Variants in AK9 observed in about 807,000 individuals in gnomAD.
AK9 encodes the protein adenylate kinase 9.
In AK9, 191 loss-of-function variants were observed where a neutral mutation model predicts 239.6. The ratio of observed to expected loss-of-function variants is 0.80; its 90% CI spans 0.71 to 0.90. The LOEUF (loss-of-function observed/expected upper bound fraction) is 0.90, where lower values mean the gene tolerates loss of function less well. AK9 is among the 40% of genes least tolerant of loss of function. AK9 has a pLI of 0.00. For synonymous variants in AK9, 689 were observed against 721.0 expected (o/e 0.96, Z 0.71); for missense variants, 1,995 against 2,214.7 (o/e 0.90, Z 1.99).
intron 32 of AK9, among the ~76,000 whole-genome samples, chr6:109,513,427 A>G (rs539379065): frequency 1.3e-5 from 2 of 152,290 alleles, no homozygotes; most frequent in Non-Finnish European, 2.9e-5. Flanking sequence ...AAATACAGGC[A>G]TTATCTCTTG....
chr6:109,541,227 A>C (rs1782837765), intron 27 of AK9, among the ~76,000 whole-genome samples: 1 of 152,214 alleles, frequency 6.6e-6, no homozygotes, highest in African/African-American at 2.4e-5. Context: ...AAAAATGGAA[A>C]AAATAGAGAA....
chr6:109,680,949 C>T (rs1380571131), intron 1 of AK9, among the ~76,000 whole-genome samples: 2 of 152,150 alleles, frequency 1.3e-5, no homozygotes, highest in South Asian at 4.1e-4. Context: ...CTGAAGGAGG[C>T]ACTAAACGTG....
intron 10 of AK9, among the ~76,000 whole-genome samples, chr6:109,635,461 A>G (rs907907482): frequency 6.6e-6 from 1 of 152,214 alleles, no homozygotes; most frequent in Non-Finnish European, 1.5e-5. Flanking sequence ...CTAGTGCCAG[A>G]GCCACTCCTA....
intron 12 of AK9, chr6:109,632,364 C>G: frequency 1.0e-6 from 1 of 959,510 alleles, no homozygotes; most frequent in Non-Finnish European, 1.2e-6. Context: ...ACATTCCAAT[C>G]CCTCATCAAA....
intron 7 of AK9, among the ~76,000 whole-genome samples, chr6:109,657,445 A>G (rs1370076634): frequency 6.6e-6 from 1 of 152,132 alleles, no homozygotes; most frequent in African/African-American, 2.4e-5. Context: ...TAGGAGAAGA[A>G]GCTGTTTACA....
At chr6:109,602,960 G>C (rs1321801223) in intron 17 of AK9, among the ~76,000 whole-genome samples, 1 of 152,134 alleles carries the variant, frequency 6.6e-6, no homozygotes, top group Non-Finnish European at 1.5e-5. Context: ...GGTTATTCTA[G>C]TTAGCCATTC....
chr6:109,584,483 T>C (rs771842639), intron 19 of AK9, among the ~76,000 whole-genome samples: 28 of 152,160 alleles, frequency 1.8e-4, no homozygotes, highest in Non-Finnish European at 4.0e-4. Context: ...GAGAATTTTT[T>C]AGTAAGGAAG....
chr6:109,608,777 A>T (rs1262186884), intron 17 of AK9, among the ~76,000 whole-genome samples: 2 of 152,204 alleles, frequency 1.3e-5, no homozygotes, highest in East Asian at 3.8e-4. Context: ...ATTTGTAAAG[A>T]TAATTGCAAA....
chr6:109,646,209 A>G (rs4454170), intron 8 of AK9, among the ~76,000 whole-genome samples: 95,280 of 152,076 alleles, frequency 0.63, 30,527 homozygotes, highest in South Asian at 0.84. Context: ...GCAGCCCCTC[A>G]CCAGCAATGG....
intron 17 of AK9, among the ~76,000 whole-genome samples, chr6:109,604,224 A>G (rs1352709561): frequency 6.6e-5 from 10 of 152,036 alleles, no homozygotes; most frequent in African/African-American, 2.4e-4. Flanking sequence ...CGCCGTGTAA[A>G]TTTTTTTATA....
At chr6:109,553,424 G>A (rs927407704) in intron 24 of AK9, among the ~76,000 whole-genome samples, 3 of 152,106 alleles carry the variant, frequency 2.0e-5, no homozygotes, top group Admixed American at 1.3e-4. Context: ...CATATCCCTT[G>A]TTAGCTGTAT....
chr6:109,564,432 A>T (rs949579921), intron 22 of AK9, among the ~76,000 whole-genome samples, 152 bp from the exon 23 acceptor site: 4 of 152,220 alleles, frequency 2.6e-5, no homozygotes, highest in African/African-American at 4.8e-5. Context: ...TTCATAATTT[A>T]ATTATGCTTT....
chr6:109,566,565 G>C (rs1786545332), intron 21 of AK9, among the ~76,000 whole-genome samples: 1 of 152,098 alleles, frequency 6.6e-6, no homozygotes, highest in Non-Finnish European at 1.5e-5. Context: ...AATACAGGAA[G>C]GGTAACTGAA....
Position 109,662,593 on chromosome 6 carries a change from A to C in AK9, c.402T>G (p.Ile134Met), listed in dbSNP as rs1800578404. The change falls in exon 6 of 41, where the codon ATT (isoleucine) becomes ATG (methionine). Residue 134 changes from isoleucine to methionine, a missense_variant. By Grantham distance (10) the Ile-to-Met change is conservative (BLOSUM62 1). Around this residue, in one of 5 missense-constraint regions of AK9, gnomAD observed 252 missense variants for 246.4 expected, o/e 1.02. Transcript: ENST00000424296. ...AMTTLQQIEL[I>M]KNLNLKPDVI... ...CATCAGGTTTCAGGTTTAAGTTTTTAATTAATTCTATTTGCTGTAAGGTAG... is the reference window on the plus strand; with the variant it reads ...CATCAGGTTTCAGGTTTAAGTTTTTCATTAATTCTATTTGCTGTAAGGTAG... 6.3e-7 allele frequency: 1 copy of C among 1,589,344 alleles called. No individual in the cohort carries two copies. Among genetic ancestry groups the C allele is most frequent in the African/African-American group, 1.4e-5 (1 of 73,858 alleles).
intron 28 of AK9, among the ~76,000 whole-genome samples, chr6:109,532,827 T>A (rs1469889542): frequency 1.3e-5 from 2 of 152,178 alleles, no homozygotes; most frequent in African/African-American, 2.4e-5. Context: ...CTCCTCAGAA[T>A]GTAGGTTTAG....
intron 1 of AK9, among the ~76,000 whole-genome samples, chr6:109,681,573 A>T (rs1260314681): frequency 6.6e-6 from 1 of 152,128 alleles, no homozygotes; most frequent in Non-Finnish European, 1.5e-5. Context: ...CAGGACTTGA[A>T]CTCAGCTCTG....
chr6:109,610,276 G>T, intron 17 of AK9, 89 bp downstream of exon 17: 1 of 1,420,104 alleles, frequency 7.0e-7, no homozygotes, highest in South Asian at 1.3e-5. Flanking sequence ...AACATCATAA[G>T]ACTCTAAAAT....
At chr6:109,557,918 G>A (rs561601665) in intron 24 of AK9, among the ~76,000 whole-genome samples, 2 of 152,304 alleles carry the variant, frequency 1.3e-5, no homozygotes, top group East Asian at 3.9e-4. Flanking sequence ...GTCAGTCTTT[G>A]ATTTTAGGCA....
chr6:109,608,316 T>A (rs534686927), intron 17 of AK9, among the ~76,000 whole-genome samples: 1 of 145,002 alleles, frequency 6.9e-6, no homozygotes, highest in East Asian at 2.1e-4. Flanking sequence ...CGTTAAGACA[T>A]GTGGCTCTGG....
Sources: gnomAD v4.1 joint callset for allele counts (sites outside exome capture counted in the v4.1 genomes callset) on GRCh38, gnomAD v4.1.1 for gene constraint, gnomAD v4.1.1 regional missense constraint, MANE v1.5 for transcripts, NCBI Gene and HGNC (gene_info 2026-07-23, HGNC 2026-07-21) for gene names.